COL19A1: variants seen among roughly 807,000 people sequenced by gnomAD.
COL19A1 encodes collagen alpha-1(XIX) chain.
In COL19A1, 159 loss-of-function variants were observed where a neutral mutation model predicts 190.2. That is an observed-to-expected ratio of 0.84 (90% CI 0.73 to 0.95). The LOEUF (loss-of-function observed/expected upper bound fraction) is 0.95, where lower values mean the gene tolerates loss of function less well. Ranked by LOEUF, COL19A1 falls within the 40% of genes least tolerant of loss-of-function variation. COL19A1 has a pLI of 0.00. For synonymous variants in COL19A1, 509 were observed against 458.9 expected, an observed-to-expected ratio of 1.11 and a Z score of -1.39; for missense variants, 1,418 against 1,431.9, an observed-to-expected ratio of 0.99 and a Z score of 0.16.
chr6:69,957,314 C>G (rs1258242503), intron 9 of COL19A1, among the ~76,000 whole-genome samples: 3 of 152,042 alleles, frequency 2.0e-5, no homozygotes, highest in African/African-American at 7.2e-5. Flanking sequence ...CTAAACATCA[C>G]CTAACTTTGT....
intron 11 of COL19A1, among the ~76,000 whole-genome samples, chr6:70,000,703 T>G (rs1318286319): frequency 6.6e-6 from 1 of 152,208 alleles, no homozygotes. Flanking sequence ...TTGCCCACTT[T>G]TTGATGGGGT....
intron 2 of COL19A1, among the ~76,000 whole-genome samples, chr6:69,884,919 C>T (rs183240422): frequency 1.3e-3 from 195 of 150,808 alleles, no homozygotes; most frequent in Non-Finnish European, 2.2e-3. Flanking sequence ...TGCAGTGGCG[C>T]GATCTTGGCT....
At chr6:70,003,950 CA>C (rs1411744616) in intron 11 of COL19A1, among the ~76,000 whole-genome samples, 2 of 152,156 alleles carry the variant, frequency 1.3e-5, no homozygotes, top group Non-Finnish European at 2.9e-5. Context: ...TTAGTTGATG[CA>C]ATTTCTTCAT....
chr6:70,186,150 T>C lies in COL19A1; in HGVS notation c.2856+1235T>C, dbSNP rs554267086. Reference sequence around the variant, plus strand: ...TTTTAATTGCTATATGTTATTCTACTATTTGACCATACCTTATTTCACTTA... The same window carrying C: ...TTTTAATTGCTATATGTTATTCTACCATTTGACCATACCTTATTTCACTTA... On this transcript the variant is annotated intron_variant, in intron 46 of 50. Transcript: ENST00000620364. 4.4e-4 allele frequency among the ~76,000 whole-genome samples: 67 copies of C among 152,336 alleles called. No individual in the cohort carries two copies. In the South Asian group the frequency reaches 0.012, roughly 28 times the overall value.
intron 11 of COL19A1, among the ~76,000 whole-genome samples, chr6:70,017,923 G>A (rs1390678803): frequency 6.6e-6 from 1 of 152,090 alleles, no homozygotes; most frequent in Non-Finnish European, 1.5e-5. Flanking sequence ...GTGAGTGGGA[G>A]TAATGAATGC....
intron 2 of COL19A1, among the ~76,000 whole-genome samples, chr6:69,892,071 A>G (rs1003166153): frequency 2.6e-4 from 40 of 152,220 alleles, no homozygotes; most frequent in African/African-American, 8.9e-4. Context: ...AGACACCCAG[A>G]TAACTGGTAG....
chr6:70,095,972 T>C (rs972596183), intron 15 of COL19A1, among the ~76,000 whole-genome samples: 1 of 152,204 alleles, frequency 6.6e-6, no homozygotes, highest in Non-Finnish European at 1.5e-5. Context: ...CTCTTGTCTA[T>C]TGAGAATAAT....
At chr6:69,913,857 C>T (rs1019137413) in intron 4 of COL19A1, among the ~76,000 whole-genome samples, 1 of 152,050 alleles carries the variant, frequency 6.6e-6, no homozygotes, top group African/African-American at 2.4e-5. Context: ...GGTCTAGGAC[C>T]TCCCAGGCTG....
At chr6:70,036,186 C>A (rs1032942471) in intron 14 of COL19A1, among the ~76,000 whole-genome samples, 3 of 152,182 alleles carry the variant, frequency 2.0e-5, no homozygotes, top group Non-Finnish European at 4.4e-5. Flanking sequence ...GAGCAATTTC[C>A]TCTATCCTCC....
chr6:70,123,105 T>G (rs1170177520), intron 17 of COL19A1, among the ~76,000 whole-genome samples: 1 of 151,978 alleles, frequency 6.6e-6, no homozygotes, highest in African/African-American at 2.4e-5. Flanking sequence ...TCAAACAAAT[T>G]TATAAGAAAA....
chr6:70,089,412 A>G (rs1477402841), intron 15 of COL19A1, among the ~76,000 whole-genome samples: 1 of 152,150 alleles, frequency 6.6e-6, no homozygotes, highest in Non-Finnish European at 1.5e-5. Context: ...TGCCCAAACT[A>G]TGGCATTATT....
chr6:69,915,849 C>T (rs1323816264), intron 4 of COL19A1, among the ~76,000 whole-genome samples: 1 of 151,812 alleles, frequency 6.6e-6, no homozygotes, highest in African/African-American at 2.4e-5. Flanking sequence ...ACACGTTTTA[C>T]CTTTCTTCAC....
At chr6:70,088,413 C>A (rs187920237) in intron 15 of COL19A1, among the ~76,000 whole-genome samples, 40 of 152,028 alleles carry the variant, frequency 2.6e-4, no homozygotes, top group Admixed American at 1.6e-3. Flanking sequence ...TTTTTTCTAT[C>A]CTGTTTTTTA....
At chr6:69,921,646 ATAGATTCGTATATATTCGTATG>A (rs765697988) in intron 4 of COL19A1, among the ~76,000 whole-genome samples, 1,406 of 134,976 alleles carry the variant, frequency 0.01, 260 homozygotes, top group South Asian at 0.018. Flanking sequence ...ATATTCGTAT[ATAGATTCGTATATATTCGTATG>A]TAGATTCGTA....
At chr6:70,135,043 G>T (rs755153652) in intron 18 of COL19A1, among the ~76,000 whole-genome samples, 96 of 152,192 alleles carry the variant, frequency 6.3e-4, no homozygotes, top group Non-Finnish European at 1.1e-3. Context: ...GCACTAATTT[G>T]CTGGAATGGC....
chr6:69,958,525 T>C (rs1774572458), intron 9 of COL19A1, among the ~76,000 whole-genome samples: 1 of 152,222 alleles, frequency 6.6e-6, no homozygotes, highest in Non-Finnish European at 1.5e-5. Flanking sequence ...GCCTGAGGTC[T>C]AAAACTATAA....
intron 12 of COL19A1, among the ~76,000 whole-genome samples, chr6:70,032,754 A>G (rs1385198378): frequency 6.6e-6 from 1 of 152,154 alleles, no homozygotes; most frequent in Non-Finnish European, 1.5e-5. Context: ...GGCTACCAGT[A>G]CAGGTCTAAA....
intron 33 of COL19A1, 110 bp downstream of exon 33, chr6:70,156,479 T>TA: frequency 5.4e-6 from 5 of 933,624 alleles, no homozygotes; most frequent in Non-Finnish European, 8.1e-6. Flanking sequence ...TATATATATA[T>TA]GTATGTATGT....
At chr6:69,871,348 T>G (rs13219994) in intron 1 of COL19A1, among the ~76,000 whole-genome samples, 7,878 of 152,292 alleles carry the variant, frequency 0.052, 277 homozygotes, top group Non-Finnish European at 0.076. Flanking sequence ...GACCAGATTT[T>G]CCTGGTGGAG....
Sources: gnomAD v4.1 joint callset for allele counts (sites outside exome capture counted in the v4.1 genomes callset) on GRCh38, gnomAD v4.1.1 for gene constraint, MANE v1.5 for transcripts, NCBI Gene and HGNC (gene_info 2026-07-23, HGNC 2026-07-21) for gene names.